HYAL4: variants seen among roughly 807,000 people sequenced by gnomAD.
HYAL4 encodes hyaluronidase-4.
HYAL4 carries 37 observed loss-of-function variants against 35.2 expected under a neutral mutation model. The observed-to-expected ratio is 1.05, with a 90% confidence interval of 0.81 to 1.38. The LOEUF (loss-of-function observed/expected upper bound fraction) is 1.38, where lower values mean the gene tolerates loss of function less well. HYAL4 is among the 40% of genes most tolerant of loss of function. The probability of loss-of-function intolerance (pLI) is 0.00; values close to 1 mark genes in which losing one functional copy is unlikely to be tolerated. For synonymous variants in HYAL4, 198 were observed against 203.2 expected, an observed-to-expected ratio of 0.97 and a Z score of 0.22; for missense variants, 572 against 572.4, an observed-to-expected ratio of 1.00 and a Z score of 0.01.
chr7:123,775,170 C>T, the HYAL4 span, among the ~76,000 whole-genome samples: 2 of 152,140 alleles, frequency 1.3e-5, no homozygotes, highest in African/African-American at 2.4e-5. Context: ...TGGTGGCTCA[C>T]GCCTGTAATC....
At position 123,857,661 on chromosome 7, in the gene HYAL4, C is replaced by CTTTGTTTGTTTGTTTG. The variant is rs55760125; in HGVS notation, c.-52+9514_-52+9515insGTTTGTTTGTTTGTTT. Among the ~76,000 whole-genome samples the CTTTGTTTGTTTGTTTG allele has an allele frequency of 5.7e-5, 5 of 88,324 alleles. No individual in the cohort carries two copies. In the East Asian group the frequency reaches 1.2e-3, roughly 21 times the overall value. 57.9% of individuals were successfully genotyped at this position (88,324 alleles called of 152,430 possible). A position where few individuals can be genotyped will look rare whatever the true frequency, so the allele number is the denominator to read the frequency against. ...GCCAGCTGCCTTTCTTTGTTTCTTT[C>CTTTGTTTGTTTGTTTG]TTTGTTTGTTTCTTTCTTTCTTTCT... On this transcript the variant is annotated intron_variant, in intron 2 of 4. Coordinates refer to ENST00000223026, the MANE Select transcript of HYAL4 (RefSeq NM_012269.3).
intron 1 of HYAL4, among the ~76,000 whole-genome samples, chr7:123,831,553 C>A (rs192338478): frequency 6.6e-6 from 1 of 152,222 alleles, no homozygotes; most frequent in East Asian, 1.9e-4. Flanking sequence ...AAAATTGTTT[C>A]TATTGTTATA....
In HYAL4 at chr7:123,877,138, C is replaced by G. The variant is rs142982813; in HGVS notation, c.1429C>G (p.Arg477Gly). The G allele has an allele frequency of 3.1e-6, 5 of 1,613,576 alleles. No homozygotes were observed. Among genetic ancestry groups the G allele is most frequent in the East Asian group, 4.5e-5 (2 of 44,878 alleles). ...TLCLLLLASY[R>G]SIQL Reference sequence around the variant, plus strand: ...TTGTCTACTGCTTTTAGCAAGTTATCGAAGCATTCAGTTGTGAGATAATTG... The same window carrying G: ...TTGTCTACTGCTTTTAGCAAGTTATGGAAGCATTCAGTTGTGAGATAATTG... The change falls in exon 5 of 5, where the codon CGA (arginine) becomes GGA (glycine). Residue 477 changes from arginine to glycine, a missense_variant. Coordinates refer to ENST00000223026, the MANE Select transcript of HYAL4 (RefSeq NM_012269.3).
rs748011554 is a variant in HYAL4, at chr7:123,869,115, G to T, written c.842G>T (p.Arg281Leu). The change falls in exon 3 of 5, where the codon CGG (arginine) becomes CTG (leucine). Residue 281 changes from arginine (R) to leucine (L), a missense_variant. Physicochemically the swap from Arg to Leu is moderately radical, Grantham distance 102. Coordinates refer to ENST00000223026, the MANE Select transcript of HYAL4 (RefSeq NM_012269.3). ...AACATTTTGCGCTTCTCCAAATTTC[G>T]GGTGCATGAATCCATGAGGATCTCC... The part of the protein sequence containing the change: ...SENILRFSKF[R>L]VHESMRISTM... 1 of 1,613,920 alleles carries T rather than the reference G, an allele frequency of 6.2e-7. No individual in the cohort carries two copies. Among genetic ancestry groups the T allele is most frequent in the African/African-American group, 1.3e-5 (1 of 74,870 alleles).
intron 2 of HYAL4, 150 bp from the exon 3 acceptor site, chr7:123,868,073 A>C: frequency 2.7e-6 from 1 of 371,372 alleles, no homozygotes; most frequent in African/African-American, 2.1e-5. Context: ...GTCTCTACAT[A>C]TGCTTCTATA....
chr7:123,808,571 GAACTGAA>G, the HYAL4 span, among the ~76,000 whole-genome samples: 2 of 152,174 alleles, frequency 1.3e-5, no homozygotes, highest in East Asian at 3.9e-4. Flanking sequence ...GTCCTTGGCA[GAACTGAA>G]AAGAGACCTC....
At chr7:123,766,430 T>C in the HYAL4 span, among the ~76,000 whole-genome samples, 1 of 152,130 alleles carries the variant, frequency 6.6e-6, no homozygotes, top group Non-Finnish European at 1.5e-5. Context: ...TCAATGTAAA[T>C]GCTCATTGAA....
chr7:123,827,828 G>A (rs546287153), upstream of HYAL4, among the ~76,000 whole-genome samples: 68 of 152,106 alleles, frequency 4.5e-4, 1 homozygote, highest in African/African-American at 1.5e-3. Context: ...AGCTTAATTG[G>A]TTTTTAATTA....
At chr7:123,764,025 C>T in the HYAL4 span, among the ~76,000 whole-genome samples, 2 of 152,212 alleles carry the variant, frequency 1.3e-5, no homozygotes, top group East Asian at 3.8e-4. Context: ...CTCCAATGCC[C>T]AGGCTGGAAT....
At chr7:123,827,615 C>G (rs893461249), upstream of HYAL4, among the ~76,000 whole-genome samples, 1 of 152,094 alleles carries the variant, frequency 6.6e-6, no homozygotes, top group Non-Finnish European at 1.5e-5. Flanking sequence ...AGACTGCCTC[C>G]GATTGAATGT....
chr7:123,849,744 G>GTAGTCCCA (rs898868305), intron 2 of HYAL4, among the ~76,000 whole-genome samples: 10 of 152,126 alleles, frequency 6.6e-5, no homozygotes, highest in Non-Finnish European at 1.0e-4. Flanking sequence ...GAGCGTGCCT[G>GTAGTCCCA]TAGTCCCAGC....
At chr7:123,790,625 G>A in the HYAL4 span, 22 of 131,762 alleles carry the variant, frequency 1.7e-4, no homozygotes, top group African/African-American at 5.8e-4. Flanking sequence ...AACGCTTCAC[G>A]AATTTGCGTG....
chr7:123,869,299 G>A (rs1480891406), intron 3 of HYAL4, 72 bp downstream of exon 3: 5 of 1,028,896 alleles, frequency 4.9e-6, no homozygotes, highest in African/African-American at 3.2e-5. Context: ...TGTTAATTAT[G>A]TTCTTTGAAG....
the HYAL4 span, among the ~76,000 whole-genome samples, chr7:123,782,691 A>G: frequency 6.6e-6 from 1 of 151,356 alleles, no homozygotes; most frequent in Non-Finnish European, 1.5e-5. Context: ...TAAGATCCTC[A>G]TTGATGGTAG....
chr7:123,870,208 G>T (rs1167390154), intron 3 of HYAL4, among the ~76,000 whole-genome samples: 1 of 152,184 alleles, frequency 6.6e-6, no homozygotes, highest in Non-Finnish European at 1.5e-5. Context: ...GCATCCTAAG[G>T]AGGAGGCATA....
At chr7:123,817,541 C>T in the HYAL4 span, among the ~76,000 whole-genome samples, 4 of 130,974 alleles carry the variant, frequency 3.1e-5, no homozygotes, top group Admixed American at 8.9e-5. Flanking sequence ...GATGGAGTCT[C>T]GTTCTGTCAC....
At chr7:123,777,689 T>C in the HYAL4 span, among the ~76,000 whole-genome samples, 5 of 151,908 alleles carry the variant, frequency 3.3e-5, no homozygotes, top group Non-Finnish European at 5.9e-5. Context: ...TTTAAAAATA[T>C]TTTTTTTATT....
At chr7:123,810,266 T>G in the HYAL4 span, among the ~76,000 whole-genome samples, 1 of 152,176 alleles carries the variant, frequency 6.6e-6, no homozygotes, top group South Asian at 2.1e-4. Flanking sequence ...AAAGCTGACT[T>G]TCTTCTTGTG....
At chr7:123,770,116 G>A in the HYAL4 span, among the ~76,000 whole-genome samples, 1 of 151,968 alleles carries the variant, frequency 6.6e-6, no homozygotes, top group African/African-American at 2.4e-5. Flanking sequence ...TTTCATCATG[G>A]ACAGGAGAAA....
Sources: gnomAD v4.1 joint callset for allele counts (sites outside exome capture counted in the v4.1 genomes callset) on GRCh38, gnomAD v4.1.1 for gene constraint, MANE v1.5 for transcripts, NCBI Gene and HGNC (gene_info 2026-07-23, HGNC 2026-07-21) for gene names.